The following MINDY2 variants were observed in gnomAD, a reference collection of about 807,000 sequenced individuals.
MINDY2 encodes the protein MINDY lysine 48 deubiquitinase 2.
A neutral mutation model predicts 68.2 loss-of-function variants in MINDY2; 52 were observed. The ratio of observed to expected loss-of-function variants is 0.76; its 90% CI spans 0.61 to 0.96. The LOEUF (loss-of-function observed/expected upper bound fraction) is 0.96. MINDY2 is among the 40% of genes least tolerant of loss of function. The pLI, the probability that MINDY2 is intolerant of heterozygous loss-of-function variation, is 0.00. For synonymous variants in MINDY2, 372 were observed against 303.0 expected (o/e 1.23, Z -2.36); for missense variants, 881 against 773.4 (o/e 1.14, Z -1.65).
chr15:58,851,674 C>T, intron 7 of MINDY2, 97 bp from the exon 8 acceptor site: 2 of 944,802 alleles, frequency 2.1e-6, no homozygotes, highest in South Asian at 1.9e-5. Context: ...TTTTAATAGC[C>T]ATTCTTACAG....
chr15:58,794,381 G>GA lies in MINDY2; in HGVS notation c.898+6418_898+6419insA, dbSNP rs1341917530. 1.8e-3 allele frequency among the ~76,000 whole-genome samples: 269 copies of GA among 151,524 alleles called. 2 individuals are homozygous for GA. Among genetic ancestry groups the GA allele is most frequent in the African/African-American group, 6.3e-3 (261 of 41,280 alleles). On this transcript the variant is annotated intron_variant, in intron 2 of 8. Coordinates refer to ENST00000559228, the MANE Select transcript of MINDY2 (RefSeq NM_001040450.3). ...GGGGTGTGTGTGTGTGTGTGTGTGT[G>GA]TGTGTGTGTGTGTGTTTTAAGAATA...
rs183700317 is a variant in MINDY2, at chr15:58,848,700, C to T, written c.1542+1230C>T. Among the ~76,000 whole-genome samples, 646 of 152,182 alleles carry T rather than the reference C, an allele frequency of 4.2e-3. 3 individuals carry two copies. Among genetic ancestry groups the T allele is most frequent in the Non-Finnish European group, 7.5e-3 (511 of 68,012 alleles). On this transcript the variant is annotated intron_variant, in intron 7 of 8. Transcript: ENST00000559228. ...GGCAGAGCTTGCAGCGAGCCGAGATCGTGCCACTGCACTCCAGCCTGGGCA... is the reference window on the plus strand; with the variant it reads ...GGCAGAGCTTGCAGCGAGCCGAGATTGTGCCACTGCACTCCAGCCTGGGCA...
intron 5 of MINDY2, among the ~76,000 whole-genome samples, chr15:58,824,285 A>T (rs1330016784): frequency 1.3e-5 from 2 of 152,224 alleles, no homozygotes; most frequent in African/African-American, 4.8e-5. Flanking sequence ...GGATAATGAA[A>T]AACTATAGTT....
intron 6 of MINDY2, 126 bp downstream of exon 6, chr15:58,832,042 G>A: frequency 1.2e-6 from 1 of 817,566 alleles, no homozygotes; most frequent in South Asian, 2.3e-5. Context: ...AAATTATGAA[G>A]GTAATTATTA....
chr15:58,817,995 T>C (rs1595746264), intron 4 of MINDY2, among the ~76,000 whole-genome samples: 1 of 152,202 alleles, frequency 6.6e-6, no homozygotes, highest in Non-Finnish European at 1.5e-5. Flanking sequence ...ACAACTTGAA[T>C]AGCCATCAAA....
intron 4 of MINDY2, among the ~76,000 whole-genome samples, chr15:58,811,688 C>A (rs2030268555): frequency 6.6e-6 from 1 of 152,206 alleles, no homozygotes. Context: ...CTGACTCCCA[C>A]TTTCTGATTT....
At chr15:58,827,524 C>T (rs963393865) in intron 5 of MINDY2, among the ~76,000 whole-genome samples, 2 of 152,098 alleles carry the variant, frequency 1.3e-5, no homozygotes, top group Non-Finnish European at 2.9e-5. Context: ...AGTGTAGTGG[C>T]GCGATCTCGG....
chr15:58,861,060 G>T lies in MINDY2; in HGVS notation c.*6450G>T, dbSNP rs1380411642. 6.6e-6 allele frequency: 1 copy of T among 152,184 alleles called. No individual in the cohort carries two copies. The highest frequency in any genetic ancestry group is 1.5e-5 in the Non-Finnish European group (1 of 68,034). The allele number at this position is 152,184 out of a possible 1,614,324, so 9.4% of individuals were successfully genotyped here. ...AGCAAAAGGAATCATGTTTGCTTGT[G>T]AAACTTCAGAGGTACCCTGAAAGTC... On this transcript the variant is annotated 3_prime_UTR_variant, in exon 9 of 9. Coordinates refer to ENST00000559228, the MANE Select transcript of MINDY2 (RefSeq NM_001040450.3).
chr15:58,824,545 C>T (rs186012469), intron 5 of MINDY2, among the ~76,000 whole-genome samples: 91 of 151,890 alleles, frequency 6.0e-4, no homozygotes, highest in Admixed American at 5.8e-3. Context: ...ATTTGTAGTT[C>T]ATTTGAAATA....
rs1229991577 is a variant in MINDY2, at chr15:58,831,772, A to G, written c.1226-2A>G. 2 of 1,609,216 alleles carry G rather than the reference A, an allele frequency of 1.2e-6. No homozygotes were observed. Among genetic ancestry groups the G allele is most frequent in the Non-Finnish European group, 1.7e-6 (2 of 1,178,542 alleles). On this transcript the variant is annotated splice_acceptor_variant, in intron 5 of 8. Coordinates refer to ENST00000559228, the MANE Select transcript of MINDY2 (RefSeq NM_001040450.3). LOFTEE classifies it high-confidence loss of function. ...ATCTAATGTTATGCATTGGTTCTAT[A>G]GGCTTTGTAGCTGAGCAGTTTCTAA...
At chr15:58,772,356 A>C (rs1900489329) in intron 1 of MINDY2, 121 bp downstream of exon 1, 1 of 1,417,424 alleles carries the variant, frequency 7.1e-7, no homozygotes, top group East Asian at 2.3e-5. Flanking sequence ...CCCTTCTTAC[A>C]TGAAATTCAT....
chr15:58,805,708 C>G (rs1239118699), intron 3 of MINDY2, among the ~76,000 whole-genome samples: 1 of 152,062 alleles, frequency 6.6e-6, no homozygotes, highest in Non-Finnish European at 1.5e-5. Flanking sequence ...AACAAAGTGG[C>G]AAAATACTTA....
intron 3 of MINDY2, among the ~76,000 whole-genome samples, chr15:58,804,010 T>TGGCAGGCG (rs1902853990): frequency 1.4e-5 from 2 of 145,538 alleles, no homozygotes; most frequent in Admixed American, 1.4e-4. Context: ...CGCCTGTAAG[T>TGGCAGGCG]CCTAGCTACT....
chr15:58,838,870 T>G (rs1307299121), intron 6 of MINDY2, among the ~76,000 whole-genome samples: 1 of 151,940 alleles, frequency 6.6e-6, no homozygotes, highest in Non-Finnish European at 1.5e-5. Context: ...TGTGAGCCAC[T>G]GAGCCCGGCC....
chr15:58,833,331 C>T (rs1467970731), intron 6 of MINDY2, among the ~76,000 whole-genome samples: 8 of 152,166 alleles, frequency 5.3e-5, no homozygotes, highest in East Asian at 3.9e-4. Flanking sequence ...CTGCACTTTA[C>T]TGCCATATCT....
At chr15:58,840,781 C>A (rs1474636913) in intron 6 of MINDY2, among the ~76,000 whole-genome samples, 9 of 148,188 alleles carry the variant, frequency 6.1e-5, no homozygotes, top group African/African-American at 2.2e-4. Context: ...CTCAGCCTCC[C>A]GAGTAGCTGG....
chr15:58,817,924 A>G (rs1480704428), intron 4 of MINDY2, among the ~76,000 whole-genome samples: 1 of 152,178 alleles, frequency 6.6e-6, no homozygotes, highest in African/African-American at 2.4e-5. Context: ...GATGAGTGAA[A>G]GAGGATAAAC....
chr15:58,811,905 A>C (rs2030303330), intron 4 of MINDY2, among the ~76,000 whole-genome samples: 1 of 152,104 alleles, frequency 6.6e-6, no homozygotes, highest in Admixed American at 6.6e-5. Context: ...TGTTATGTCT[A>C]CTCCTATACT....
chr15:58,845,848 G>T (rs546742743), intron 6 of MINDY2, among the ~76,000 whole-genome samples: 15 of 152,248 alleles, frequency 9.9e-5, no homozygotes, highest in African/African-American at 2.9e-4. Flanking sequence ...CATACACAAC[G>T]GAGCACTATT....
Sources: gnomAD v4.1 joint callset for allele counts (sites outside exome capture counted in the v4.1 genomes callset) on GRCh38, gnomAD v4.1.1 for gene constraint, MANE v1.5 for transcripts, NCBI Gene and HGNC (gene_info 2026-07-23, HGNC 2026-07-21) for gene names.